Variants in ADAMTS3 observed in about 807,000 individuals in gnomAD.
The protein encoded by ADAMTS3 is A disintegrin and metalloproteinase with thrombospondin motifs 3.
In ADAMTS3, 73 loss-of-function variants were observed where a neutral mutation model predicts 129.0. The ratio of observed to expected loss-of-function variants is 0.57; its 90% CI spans 0.47 to 0.69. The LOEUF (loss-of-function observed/expected upper bound fraction) is 0.69. ADAMTS3 is among the 30% of genes least tolerant of loss of function. The pLI, the probability that ADAMTS3 is intolerant of heterozygous loss-of-function variation, is 0.00. For synonymous variants in ADAMTS3, 477 were observed against 510.8 expected, an observed-to-expected ratio of 0.93 and a Z score of 0.89; for missense variants, 1,457 against 1,514.5, an observed-to-expected ratio of 0.96 and a Z score of 0.63.
Position 72,433,334 on chromosome 4 carries a change from G to A in ADAMTS3, c.505-18363C>T, listed in dbSNP as rs140507014. ...AAATTTGCTCTATAGCACTCATCTC[G>A]TATCTTGAGCTTCTTCTCATATTCT... On this transcript the variant is annotated intron_variant, in intron 3 of 21. Transcript: ENST00000286657. Among the ~76,000 whole-genome samples, 178 of 151,910 alleles carry A rather than the reference G, an allele frequency of 1.2e-3. 1 individual carries two copies. The highest frequency in any genetic ancestry group is 3.4e-3 in the Middle Eastern group (1 of 294).
chr4:72,506,716 C>T (rs1393197739), intron 3 of ADAMTS3, among the ~76,000 whole-genome samples: 3 of 152,198 alleles, frequency 2.0e-5, no homozygotes, highest in East Asian at 3.9e-4. Flanking sequence ...GGGTTGCTCA[C>T]ATACCCAGTG....
At position 72,320,575 on chromosome 4, in the gene ADAMTS3, A is replaced by G. The variant is rs76590217; in HGVS notation, c.1102+139T>C. On this transcript the variant is annotated intron_variant, in intron 7 of 21. Transcript: ENST00000286657. ...CTCCACATAAGTCACTGTAAGCAAAAGAAAGAAAATGTATGCTTGGCCGGT... is the reference window on the plus strand; with the variant it reads ...CTCCACATAAGTCACTGTAAGCAAAGGAAAGAAAATGTATGCTTGGCCGGT... 2.9e-3 allele frequency: 2,517 copies of G among 875,592 alleles called. 28 individuals carry two copies. In the African/African-American group the frequency reaches 0.039, roughly 14 times the overall value. The allele number at this position is 875,592 out of a possible 1,614,324, so 54.2% of individuals were successfully genotyped here.
chr4:72,373,126 G>T (rs1346670143), intron 4 of ADAMTS3, among the ~76,000 whole-genome samples: 1 of 152,104 alleles, frequency 6.6e-6, no homozygotes, highest in Non-Finnish European at 1.5e-5. Context: ...GAAACGGAAA[G>T]GTCAAAAACA....
At chr4:72,541,916 T>C (rs1304087068) in intron 3 of ADAMTS3, among the ~76,000 whole-genome samples, 4 of 152,212 alleles carry the variant, frequency 2.6e-5, no homozygotes, top group Non-Finnish European at 5.9e-5. Context: ...CTAAATGTTA[T>C]TTACTCTGTG....
At chr4:72,566,239 C>G (rs1429404386) in intron 2 of ADAMTS3, among the ~76,000 whole-genome samples, 2 of 152,134 alleles carry the variant, frequency 1.3e-5, no homozygotes, top group Non-Finnish European at 1.5e-5. Flanking sequence ...GATATATGCT[C>G]ATATATTACA....
intron 4 of ADAMTS3, among the ~76,000 whole-genome samples, chr4:72,389,617 CAGCTG>C (rs1477850439): frequency 1.3e-5 from 2 of 151,712 alleles, no homozygotes; most frequent in Non-Finnish European, 2.9e-5. Context: ...AGTGGAGAAA[CAGCTG>C]CGAAGCAACT....
intron 4 of ADAMTS3, among the ~76,000 whole-genome samples, chr4:72,374,805 T>C (rs1178211568): frequency 6.6e-6 from 1 of 152,166 alleles, no homozygotes; most frequent in African/African-American, 2.4e-5. Flanking sequence ...CAGAAATGGA[T>C]AGCAAAGAAA....
chr4:72,322,140 G>A (rs1560472217), intron 6 of ADAMTS3, among the ~76,000 whole-genome samples: 1 of 152,096 alleles, frequency 6.6e-6, no homozygotes, highest in Admixed American at 6.5e-5. Flanking sequence ...CAACCAATTG[G>A]AGGCTGTTAT....
At chr4:72,419,753 A>G (rs897967212) in intron 3 of ADAMTS3, among the ~76,000 whole-genome samples, 4 of 152,164 alleles carry the variant, frequency 2.6e-5, no homozygotes. Context: ...CCTGGCACAC[A>G]TGTGGACAGC....
chr4:72,377,679 C>A (rs1269382872), intron 4 of ADAMTS3, among the ~76,000 whole-genome samples: 3 of 152,168 alleles, frequency 2.0e-5, no homozygotes, highest in Non-Finnish European at 4.4e-5. Flanking sequence ...AGCAACTCTG[C>A]CACCTTGGGC....
intron 4 of ADAMTS3, among the ~76,000 whole-genome samples, chr4:72,381,558 C>G (rs1436645738): frequency 6.6e-6 from 1 of 152,174 alleles, no homozygotes; most frequent in Admixed American, 6.6e-5. Context: ...TCTCTCTCAA[C>G]TGACACCTAA....
At chr4:72,477,195 T>C (rs1422021041) in intron 3 of ADAMTS3, among the ~76,000 whole-genome samples, 7 of 152,230 alleles carry the variant, frequency 4.6e-5, no homozygotes, top group Middle Eastern at 3.4e-3. Context: ...GCGGACCTAA[T>C]AGACATTTAC....
intron 3 of ADAMTS3, among the ~76,000 whole-genome samples, chr4:72,453,048 C>G (rs1017379783): frequency 3.3e-5 from 5 of 151,810 alleles, no homozygotes; most frequent in African/African-American, 4.8e-5. Flanking sequence ...CTCAAAAGAG[C>G]TGGAGAATCC....
rs149557481 is a variant in ADAMTS3, at chr4:72,469,076, CAACTT to C, written c.505-54110_505-54106del. On this transcript the variant is annotated intron_variant, in intron 3 of 21. Transcript: ENST00000286657. The stretch of plus-strand genomic sequence containing the variant: ...TTAAACTCTACTCATCAATCATTAT[CAACTT>C]AACAAATTAGCACTCTTGTGCCCTC... Among the ~76,000 whole-genome samples, 1,271 of 152,148 alleles carry C rather than the reference CAACTT, an allele frequency of 8.4e-3. 24 individuals carry two copies. The highest frequency in any genetic ancestry group is 0.029 in the African/African-American group (1,212 of 41,510).
chr4:72,480,754 A>T (rs1042327211), intron 3 of ADAMTS3, among the ~76,000 whole-genome samples: 1 of 150,500 alleles, frequency 6.6e-6, no homozygotes, highest in Non-Finnish European at 1.5e-5. Context: ...AGGCATGTAT[A>T]CTGGAAAAAA....
chr4:72,368,292 G>A (rs1720921751), intron 4 of ADAMTS3, among the ~76,000 whole-genome samples: 1 of 152,132 alleles, frequency 6.6e-6, no homozygotes, highest in African/African-American at 2.4e-5. Flanking sequence ...AGGCACAGAG[G>A]AAAGCTAAAA....
intron 5 of ADAMTS3, among the ~76,000 whole-genome samples, chr4:72,329,904 GTT>G (rs1230638959): frequency 6.6e-6 from 1 of 151,946 alleles, no homozygotes; most frequent in African/African-American, 2.4e-5. Flanking sequence ...CTCAAGGTTT[GTT>G]TGTTTGTTTG....
chr4:72,345,390 T>A (rs982754466), intron 4 of ADAMTS3, among the ~76,000 whole-genome samples: 2 of 152,172 alleles, frequency 1.3e-5, no homozygotes, highest in African/African-American at 4.8e-5. Flanking sequence ...CCTGTTTGTA[T>A]CATCCAATAG....
At chr4:72,567,510 G>A in intron 1 of ADAMTS3, 109 bp from the exon 2 acceptor site, 1 of 1,110,668 alleles carries the variant, frequency 9.0e-7, no homozygotes, top group Non-Finnish European at 1.3e-6. Context: ...CTAATCAGGA[G>A]ATGCTAGAGA....
Sources: gnomAD v4.1 joint callset for allele counts (sites outside exome capture counted in the v4.1 genomes callset) on GRCh38, gnomAD v4.1.1 for gene constraint, MANE v1.5 for transcripts, NCBI Gene and HGNC (gene_info 2026-07-23, HGNC 2026-07-21) for gene names.